Variants in CORIN observed in about 807,000 individuals in gnomAD.
CORIN encodes atrial natriuretic peptide-converting enzyme.
CORIN carries 117 observed loss-of-function variants against 125.3 expected under a neutral mutation model. The observed-to-expected ratio is 0.93, with a 90% CI of 0.80 to 1.09. The LOEUF is 1.09. Among genes scored for constraint, CORIN ranks in the 50% least tolerant of loss-of-function variants. The probability of loss-of-function intolerance (pLI) is 0.00; values close to 1 mark genes in which losing one functional copy is unlikely to be tolerated. For synonymous variants in CORIN, 450 were observed against 466.4 expected (o/e 0.96, Z 0.45); for missense variants, 1,253 against 1,306.7 (o/e 0.96, Z 0.63).
At chr4:47,831,929 A>G (rs1426317441) in intron 1 of CORIN, among the ~76,000 whole-genome samples, 1 of 152,230 alleles carries the variant, frequency 6.6e-6, no homozygotes, top group Non-Finnish European at 1.5e-5. Context: ...AGTAAAATAT[A>G]TAGTTTGTCA....
At chr4:47,622,200 T>C (rs1055111807) in intron 19 of CORIN, among the ~76,000 whole-genome samples, 1 of 151,994 alleles carries the variant, frequency 6.6e-6, no homozygotes, top group African/African-American at 2.4e-5. Flanking sequence ...TATGGCTGCA[T>C]AGTATTCTAT....
chr4:47,741,168 T>C lies in CORIN; in HGVS notation c.799+3234A>G, dbSNP rs141231329. On this transcript the variant is annotated intron_variant, in intron 5 of 21. Coordinates refer to ENST00000273857, the MANE Select transcript of CORIN (RefSeq NM_006587.4). ...GCCCCCGAAGAATGTAGGAAGATAT[T>C]TGAAGATTATATAGCTTAAAAGGCA... Among the ~76,000 whole-genome samples, 849 of 152,078 alleles carry C rather than the reference T, an allele frequency of 5.6e-3. 9 individuals are homozygous for C. Among genetic ancestry groups the C allele is most frequent in the African/African-American group, 0.02 (813 of 41,528 alleles).
At position 47,837,884 on chromosome 4, in the gene CORIN, T is replaced by G; in HGVS notation, c.63+3A>C. On this transcript the variant is annotated splice_donor_region_variant and intron_variant, in intron 1 of 21. Coordinates refer to ENST00000273857, the MANE Select transcript of CORIN (RefSeq NM_006587.4). Reference sequence around the variant, plus strand: ...CGGTAGGACAGCGAATCATCGATCTTACCGGCTTTGGGGACCCGGCTCTGC... The same window carrying G: ...CGGTAGGACAGCGAATCATCGATCTGACCGGCTTTGGGGACCCGGCTCTGC... 1 of 1,613,350 alleles carries G rather than the reference T, an allele frequency of 6.2e-7. No homozygotes were observed. The highest frequency in any genetic ancestry group is 8.5e-7 in the Non-Finnish European group (1 of 1,179,662).
chr4:47,782,990 T>G (rs1439779632), intron 3 of CORIN, among the ~76,000 whole-genome samples: 3 of 151,870 alleles, frequency 2.0e-5, no homozygotes, highest in Non-Finnish European at 4.4e-5. Context: ...AAATAGAAGA[T>G]TCAGGATCCG....
At chr4:47,726,476 G>T (rs1022970173) in intron 5 of CORIN, among the ~76,000 whole-genome samples, 1 of 152,070 alleles carries the variant, frequency 6.6e-6, no homozygotes, top group Non-Finnish European at 1.5e-5. Context: ...GATTCCATGT[G>T]TGACATTCTA....
intron 16 of CORIN, among the ~76,000 whole-genome samples, chr4:47,628,747 A>G (rs1032061335): frequency 6.6e-6 from 1 of 152,128 alleles, no homozygotes; most frequent in African/African-American, 2.4e-5. Context: ...ATTTCACTTA[A>G]TATGTCCTCC....
chr4:47,624,050 C>T (rs1722453601), intron 17 of CORIN, 102 bp from the exon 18 acceptor site: 2 of 915,262 alleles, frequency 2.2e-6, no homozygotes, highest in Non-Finnish European at 3.5e-6. Flanking sequence ...ACTGTTACCA[C>T]CAGAAATCAC....
Position 47,665,198 on chromosome 4 carries a change from T to A in CORIN, c.1423A>T (p.Asn475Tyr). The change falls in exon 11 of 22, where the codon AAT becomes TAT. Residue 475 changes from asparagine (N) to tyrosine (Y), a missense_variant. By Grantham distance (143) the Asn-to-Tyr change is moderately radical (BLOSUM62 -2). Transcript: ENST00000273857. ...NLPYNSTSYP[N>Y]YFGHRTQKEA... ...TTTTGAGTCCTGTGGCCAAAATAAT[T>A]TGGATAACTTGTACTGTTGTAGGGC... 1 of 1,614,006 alleles carries A rather than the reference T, an allele frequency of 6.2e-7. No homozygotes were observed. Among genetic ancestry groups the A allele is most frequent in the Non-Finnish European group, 8.5e-7 (1 of 1,179,928 alleles).
At chr4:47,636,836 T>C (rs1264679669) in intron 16 of CORIN, among the ~76,000 whole-genome samples, 2 of 152,044 alleles carry the variant, frequency 1.3e-5, no homozygotes, top group Non-Finnish European at 2.9e-5. Context: ...ATACAGTAAA[T>C]TGGTACCAGC....
intron 2 of CORIN, among the ~76,000 whole-genome samples, chr4:47,805,876 A>G (rs1466428980): frequency 6.6e-6 from 1 of 152,210 alleles, no homozygotes; most frequent in Non-Finnish European, 1.5e-5. Flanking sequence ...TTAGATCAGC[A>G]TCGTCTTGAT....
chr4:47,669,714 G>A (rs770734104), intron 10 of CORIN, among the ~76,000 whole-genome samples: 13 of 151,970 alleles, frequency 8.6e-5, no homozygotes, highest in South Asian at 2.1e-4. Context: ...GACTACAGGT[G>A]CCCACCACCA....
At chr4:47,711,563 T>G (rs1191137630) in intron 5 of CORIN, among the ~76,000 whole-genome samples, 1 of 152,298 alleles carries the variant, frequency 6.6e-6, no homozygotes, top group South Asian at 2.1e-4. Flanking sequence ...AAGCAAGAAA[T>G]AGATGGAGCC....
chr4:47,677,307 T>G (rs1186326372), intron 9 of CORIN, among the ~76,000 whole-genome samples: 2 of 152,222 alleles, frequency 1.3e-5, no homozygotes, highest in African/African-American at 4.8e-5. Context: ...ACAATCATGT[T>G]ATTAACAACT....
intron 1 of CORIN, among the ~76,000 whole-genome samples, chr4:47,808,804 A>C (rs2109955874): frequency 1.3e-5 from 2 of 152,366 alleles, no homozygotes; most frequent in Middle Eastern, 6.8e-3. Flanking sequence ...TTAGTGGCAG[A>C]AACAAGTTGA....
At chr4:47,610,436 A>G (rs1577734428) in intron 19 of CORIN, among the ~76,000 whole-genome samples, 1 of 148,974 alleles carries the variant, frequency 6.7e-6, no homozygotes, top group Non-Finnish European at 1.5e-5. Context: ...TCCTTTGCCC[A>G]CTTTTTAATG....
At chr4:47,622,192 T>C (rs1197652262) in intron 19 of CORIN, among the ~76,000 whole-genome samples, 1 of 151,998 alleles carries the variant, frequency 6.6e-6, no homozygotes, top group Non-Finnish European at 1.5e-5. Context: ...TCATTTTTTA[T>C]GGCTGCATAG....
intron 12 of CORIN, among the ~76,000 whole-genome samples, 200 bp from the exon 13 acceptor site, chr4:47,653,860 T>C (rs1048015606): frequency 1.3e-5 from 2 of 152,252 alleles, no homozygotes; most frequent in Non-Finnish European, 2.9e-5. Flanking sequence ...CTCATCCCTC[T>C]AGATACGCGG....
intron 17 of CORIN, among the ~76,000 whole-genome samples, chr4:47,624,207 G>A (rs1722459184): frequency 6.6e-6 from 1 of 152,096 alleles, no homozygotes; most frequent in African/African-American, 2.4e-5. Flanking sequence ...TTTATTTAAT[G>A]TCATCATAAT....
chr4:47,754,471 C>A (rs555261497), intron 4 of CORIN, among the ~76,000 whole-genome samples: 38 of 152,132 alleles, frequency 2.5e-4, no homozygotes, highest in Non-Finnish European at 5.1e-4. Flanking sequence ...GACTACTGAT[C>A]TATATATATT....
Sources: allele counts gnomAD v4.1 joint callset (sites outside exome capture counted in the v4.1 genomes callset), GRCh38; gene constraint gnomAD v4.1.1; transcripts MANE v1.5; gene names NCBI Gene and HGNC (gene_info 2026-07-23, HGNC 2026-07-21).